The following ANK2 variants were observed in gnomAD, a reference collection of about 807,000 sequenced individuals.
ANK2 encodes the protein ankyrin-2.
Under a neutral mutation model 360.5 loss-of-function variants are expected in ANK2, and 83 were observed. The observed-to-expected ratio is 0.23, with a 90% CI of 0.19 to 0.28. The LOEUF is 0.28. Among genes scored for constraint, ANK2 ranks in the 10% least tolerant of loss-of-function variants. The probability of loss-of-function intolerance (pLI) is 1.00; values close to 1 mark genes in which losing one functional copy is unlikely to be tolerated. For missense variants in ANK2, 4,201 were observed against 4,795.7 expected, an observed-to-expected ratio of 0.88 and a Z score of 3.66; for synonymous variants, 1,740 against 1,759.5, an observed-to-expected ratio of 0.99 and a Z score of 0.28.
chr4:113,259,281 C>A (rs2051258192), intron 13 of ANK2, among the ~76,000 whole-genome samples: 1 of 152,162 alleles, frequency 6.6e-6, no homozygotes, highest in Non-Finnish European at 1.5e-5. Context: ...TATTGAGATT[C>A]ACATGTGCAC....
At chr4:112,763,212 A>G in the ANK2 span, among the ~76,000 whole-genome samples, 158 of 148,856 alleles carry the variant, frequency 1.1e-3, no homozygotes, top group African/African-American at 3.2e-3. Context: ...GGCATTAGCC[A>G]CCACACCTGG....
At chr4:112,788,576 C>T in the ANK2 span, 5 of 1,587,546 alleles carry the variant, frequency 3.1e-6, no homozygotes, top group Non-Finnish European at 4.3e-6. Context: ...CTGGTCTGTA[C>T]TTGTGGGCCA....
At chr4:113,252,429 C>T (rs372838635) in intron 10 of ANK2, among the ~76,000 whole-genome samples, 4 of 152,026 alleles carry the variant, frequency 2.6e-5, no homozygotes, top group East Asian at 1.9e-4. Context: ...CTAAGTGTCA[C>T]CCCCTCATTC....
At chr4:113,118,111 T>C (rs2095012580) in intron 1 of ANK2, among the ~76,000 whole-genome samples, 1 of 152,248 alleles carries the variant, frequency 6.6e-6, no homozygotes, top group Admixed American at 6.5e-5. Flanking sequence ...TACATTGAAC[T>C]ATTGTTTCTT....
At chr4:113,158,948 A>T (rs1286609072) in intron 1 of ANK2, among the ~76,000 whole-genome samples, 1 of 152,152 alleles carries the variant, frequency 6.6e-6, no homozygotes, top group East Asian at 1.9e-4. Context: ...TGAGTAATTA[A>T]AGCTAGCGTA....
chr4:113,109,437 A>G (rs1314589350), intron 1 of ANK2, among the ~76,000 whole-genome samples: 1 of 152,164 alleles, frequency 6.6e-6, no homozygotes, highest in Non-Finnish European at 1.5e-5. Context: ...AATAAAACCC[A>G]GGTTATAAAT....
chr4:112,853,644 T>C (rs1395847426), intron 1 of ANK2, among the ~76,000 whole-genome samples: 4 of 152,238 alleles, frequency 2.6e-5, no homozygotes, highest in Non-Finnish European at 4.4e-5. Flanking sequence ...CAGAACAACT[T>C]GAGAAAGGTT....
intron 2 of ANK2, chr4:112,979,914 CT>C (rs972965278): frequency 8.5e-5 from 13 of 152,160 alleles, no homozygotes; most frequent in African/African-American, 3.1e-4. Context: ...GAGGCAGATT[CT>C]GTCTGGAACT....
intron 9 of ANK2, among the ~76,000 whole-genome samples, chr4:113,248,984 G>T (rs1187456061): frequency 6.6e-6 from 1 of 152,084 alleles, no homozygotes; most frequent in Admixed American, 6.6e-5. Flanking sequence ...ACCCTAAAGA[G>T]AAATAAAATA....
At position 113,072,742 on chromosome 4, in the gene ANK2, ATTTT is replaced by A. The variant is rs34098456; in HGVS notation, c.84+22950_84+22953del. Among the ~76,000 whole-genome samples the A allele has an allele frequency of 6.1e-3, 455 of 74,210 alleles. 3 individuals carry two copies. The highest frequency in any genetic ancestry group is 0.017 in the African/African-American group (385 of 22,432). 48.7% of individuals were successfully genotyped at this position (74,210 alleles called of 152,430 possible). On this transcript the variant is annotated intron_variant, in intron 1 of 45. Transcript: ENST00000357077. ...TCCCTTAAAATAGACACTTGGCATA[ATTTT>A]TTTTTTTTTTTTTTTTTTTGCTGTC...
intron 1 of ANK2, among the ~76,000 whole-genome samples, chr4:113,126,002 G>T (rs557320593): frequency 6.6e-6 from 1 of 152,284 alleles, no homozygotes; most frequent in South Asian, 2.1e-4. Context: ...TTAAGACTGG[G>T]TATATACAAA....
At chr4:112,827,428 C>A in intron 1 of ANK2, 1 of 1,381,972 alleles carries the variant, frequency 7.2e-7, no homozygotes, top group Non-Finnish European at 1.0e-6. Context: ...ACCACTAGAA[C>A]TTGGAAGTGA....
chr4:113,069,422 T>C (rs2076765555), intron 1 of ANK2, among the ~76,000 whole-genome samples: 1 of 152,212 alleles, frequency 6.6e-6, no homozygotes, highest in African/African-American at 2.4e-5. Context: ...ACCCTTGTCA[T>C]GAAGGCGGAG....
intron 1 of ANK2, among the ~76,000 whole-genome samples, chr4:113,136,768 T>C (rs1473005869): frequency 6.6e-6 from 1 of 151,334 alleles, no homozygotes; most frequent in Non-Finnish European, 1.5e-5. Context: ...TGGCTTTTTT[T>C]TTTTTTTTGA....
the ANK2 span, among the ~76,000 whole-genome samples, chr4:112,730,252 C>CAAAAAAAAA: frequency 3.9e-5 from 2 of 50,900 alleles, no homozygotes; most frequent in African/African-American, 8.4e-5. Flanking sequence ...GACTCTGTCT[C>CAAAAAAAAA]AAAAAAAAAA....
the ANK2 span, among the ~76,000 whole-genome samples, chr4:112,744,257 A>G: frequency 6.6e-6 from 1 of 152,162 alleles, no homozygotes; most frequent in African/African-American, 2.4e-5. Flanking sequence ...CTTAATGGAT[A>G]CAGAATATTA....
At chr4:112,810,151 ATATATATATTTTTTTT>A in the ANK2 span, among the ~76,000 whole-genome samples, 239 of 26,256 alleles carry the variant, frequency 9.1e-3, 1 homozygote, top group African/African-American at 0.029. Flanking sequence ...ATATATATAT[ATATATATATTTTTTTT>A]TTTTTTTTTT....
the ANK2 span, among the ~76,000 whole-genome samples, chr4:112,730,630 C>T: frequency 4.9e-5 from 5 of 102,496 alleles, no homozygotes; most frequent in Non-Finnish European, 9.6e-5. Flanking sequence ...AAGTGAGACT[C>T]CATCTCAAAA....
rs751507915 is a variant in ANK2 at position 113,354,287 on chromosome 4, A to T, written c.5669A>T (p.His1890Leu). 2 of 1,613,706 alleles carry T rather than the reference A, an allele frequency of 1.2e-6. No homozygotes were observed. The highest frequency in any genetic ancestry group is 2.7e-5 in the African/African-American group (2 of 74,892). ...PVSPSTKTER[H>L]SPVSSTKTER... Reference sequence around the variant, plus strand: ...TCACCCTCGACAAAAACTGAAAGGCACTCTCCTGTGTCATCTACAAAAACA... The same window carrying T: ...TCACCCTCGACAAAAACTGAAAGGCTCTCTCCTGTGTCATCTACAAAAACA... Residue 1890 changes from histidine to leucine, a missense_variant, in exon 38 of 46, where the codon CAC becomes CTC. This residue lies in a region of ANK2 where 2,642 missense variants were observed against 2,714.5 expected (regional missense o/e 0.97). Coordinates refer to ENST00000357077, the MANE Select transcript of ANK2 (RefSeq NM_001148.6).
Sources: gnomAD v4.1 joint callset for allele counts (sites outside exome capture counted in the v4.1 genomes callset) on GRCh38, gnomAD v4.1.1 for gene constraint, gnomAD v4.1.1 regional missense constraint, MANE v1.5 for transcripts, NCBI Gene and HGNC (gene_info 2026-07-23, HGNC 2026-07-21) for gene names.